FAM151B: variants seen among roughly 807,000 people sequenced by gnomAD.
The protein encoded by FAM151B is protein FAM151B.
FAM151B carries 24 observed loss-of-function variants against 31.2 expected under a neutral mutation model. The ratio of observed to expected loss-of-function variants is 0.77; its 90% CI spans 0.56 to 1.08. The LOEUF (loss-of-function observed/expected upper bound fraction) is 1.08. FAM151B is among the 50% of genes least tolerant of loss of function. The probability of loss-of-function intolerance (pLI) is 0.00; values close to 1 mark genes in which losing one functional copy is unlikely to be tolerated. For missense variants in FAM151B, 293 were observed against 328.6 expected, an observed-to-expected ratio of 0.89 and a Z score of 0.84; for synonymous variants, 105 against 111.4, an observed-to-expected ratio of 0.94 and a Z score of 0.36.
rs1039172860 is a variant in FAM151B, at chr5:80,501,717, C to T, written c.26-75C>T. On this transcript the variant is annotated intron_variant, in intron 1 of 5. Coordinates refer to ENST00000282226, the MANE Select transcript of FAM151B (RefSeq NM_205548.3). ...ACAGCATATGTGTATCTTAAATATACACAATGAAAGTGATTTTAAAAATTT... is the reference window on the plus strand; with the variant it reads ...ACAGCATATGTGTATCTTAAATATATACAATGAAAGTGATTTTAAAAATTT... 1.7e-5 allele frequency: 18 copies of T among 1,030,872 alleles called. No individual in the cohort carries two copies. In the African/African-American group the frequency reaches 2.7e-4, roughly 16 times the overall value. The allele number at this position is 1,030,872 out of a possible 1,614,324, so 63.9% of individuals were successfully genotyped here.
intron 5 of FAM151B, among the ~76,000 whole-genome samples, chr5:80,538,482 CT>C (rs1745683349): frequency 5.5e-5 from 7 of 126,388 alleles, no homozygotes; most frequent in African/African-American, 9.7e-5. Context: ...TTCTTTCTTT[CT>C]TTCCTTCCTT....
chr5:80,525,420 C>T (rs535710394), intron 5 of FAM151B, among the ~76,000 whole-genome samples: 1 of 152,174 alleles, frequency 6.6e-6, no homozygotes, highest in Non-Finnish European at 1.5e-5. Context: ...TGCAGTAACA[C>T]CCTTGAACCA....
At chr5:80,515,244 A>AAAAT (rs1210867302) in intron 3 of FAM151B, among the ~76,000 whole-genome samples, 55 of 142,044 alleles carry the variant, frequency 3.9e-4, no homozygotes, top group African/African-American at 1.3e-3. Context: ...CTGTCTCAAA[A>AAAAT]AAATAAATAA....
At chr5:80,493,780 A>T (rs1470689364) in intron 1 of FAM151B, among the ~76,000 whole-genome samples, 1 of 152,212 alleles carries the variant, frequency 6.6e-6, no homozygotes, top group Non-Finnish European at 1.5e-5. Flanking sequence ...TAAGATGTTT[A>T]TCAAGACAAT....
At chr5:80,532,254 G>A (rs947207043) in intron 5 of FAM151B, among the ~76,000 whole-genome samples, 1 of 150,880 alleles carries the variant, frequency 6.6e-6, no homozygotes, top group Non-Finnish European at 1.5e-5. Context: ...AGCATGAGGA[G>A]ATATACCTAA....
chr5:80,496,874 G>T (rs887058045), intron 1 of FAM151B, among the ~76,000 whole-genome samples: 1 of 126,710 alleles, frequency 7.9e-6, no homozygotes, highest in Non-Finnish European at 1.6e-5. Context: ...GCAGTGGTGT[G>T]ATCTTGGCTC....
intron 5 of FAM151B, among the ~76,000 whole-genome samples, chr5:80,533,210 T>C (rs1745328229): frequency 6.6e-6 from 1 of 151,438 alleles, no homozygotes; most frequent in African/African-American, 2.4e-5. Flanking sequence ...ACCCCGTCTC[T>C]ACTAAAAATA....
At chr5:80,515,194 T>G (rs249013) in intron 3 of FAM151B, among the ~76,000 whole-genome samples, 1 of 151,714 alleles carries the variant, frequency 6.6e-6, no homozygotes, top group Admixed American at 6.6e-5. Flanking sequence ...GAGTTGAGAT[T>G]GCGCCACGGC....
chr5:80,526,197 A>G (rs533559594), intron 5 of FAM151B, among the ~76,000 whole-genome samples: 1 of 148,338 alleles, frequency 6.7e-6, no homozygotes, highest in African/African-American at 2.6e-5. Flanking sequence ...CATTTGGTTG[A>G]AAAAAATCAG....
At chr5:80,532,413 C>G (rs1462226300) in intron 5 of FAM151B, among the ~76,000 whole-genome samples, 1 of 152,014 alleles carries the variant, frequency 6.6e-6, no homozygotes, top group African/African-American at 2.4e-5. Context: ...CTAAGAAGAT[C>G]ACTATATAAT....
intron 1 of FAM151B, among the ~76,000 whole-genome samples, chr5:80,492,815 G>A (rs957064918): frequency 2.0e-5 from 3 of 152,028 alleles, no homozygotes; most frequent in African/African-American, 7.2e-5. Context: ...TTAGCTGGCT[G>A]TGGTGGGATG....
At chr5:80,520,465 C>T (rs926534168) in intron 4 of FAM151B, among the ~76,000 whole-genome samples, 1 of 151,504 alleles carries the variant, frequency 6.6e-6, no homozygotes, top group Admixed American at 6.6e-5. Context: ...GCCAGCATGA[C>T]GAAACCCCGT....
intron 2 of FAM151B, among the ~76,000 whole-genome samples, chr5:80,513,356 T>C (rs1406263169): frequency 6.6e-6 from 1 of 152,232 alleles, no homozygotes; most frequent in Non-Finnish European, 1.5e-5. Flanking sequence ...AGAATTTGTA[T>C]GTCAACAGCT....
At chr5:80,512,105 C>T (rs1434863715) in intron 2 of FAM151B, among the ~76,000 whole-genome samples, 5 of 152,002 alleles carry the variant, frequency 3.3e-5, no homozygotes, top group Non-Finnish European at 5.9e-5. Flanking sequence ...GTAACCATTG[C>T]GCTTATTGAT....
chr5:80,505,005 T>C (rs1177774860), intron 2 of FAM151B, among the ~76,000 whole-genome samples: 1 of 152,196 alleles, frequency 6.6e-6, no homozygotes, highest in Non-Finnish European at 1.5e-5. Flanking sequence ...GCCCTCCCCC[T>C]GGCGAGATAA....
At chr5:80,498,470 G>T (rs1045940276) in intron 1 of FAM151B, 1 of 593,742 alleles carries the variant, frequency 1.7e-6, no homozygotes. Context: ...AAGGTTTTTG[G>T]TTTTTTGGGG....
intron 3 of FAM151B, among the ~76,000 whole-genome samples, chr5:80,514,544 G>A (rs1021204884): frequency 2.9e-4 from 44 of 150,820 alleles, no homozygotes; most frequent in African/African-American, 9.5e-4. Flanking sequence ...TAATACTGAA[G>A]AGCAAGAGTA....
rs1361639447 is a variant in FAM151B, at chr5:80,538,528, C to T, written c.672-3145C>T. Among the ~76,000 whole-genome samples the T allele has an allele frequency of 1.3e-3, 124 of 93,718 alleles. 3 individuals carry two copies. The highest frequency in any genetic ancestry group is 8.4e-3 in the African/African-American group (111 of 13,288). The allele number at this position is 93,718 out of a possible 152,430, so 61.5% of individuals were successfully genotyped here. A position where few individuals can be genotyped will look rare whatever the true frequency, so the allele number is the denominator to read the frequency against. On this transcript the variant is annotated intron_variant, in intron 5 of 5. Transcript: ENST00000282226. ...CTTTTCTTTCTTTCCTTCCTTCCTTCCTTCCTTCCTTCCTTCCTTCCTTCC... is the reference window on the plus strand; with the variant it reads ...CTTTTCTTTCTTTCCTTCCTTCCTTTCTTCCTTCCTTCCTTCCTTCCTTCC...
chr5:80,497,151 CACGGTGGCTCACGCCT>C (rs1360859409), intron 1 of FAM151B, among the ~76,000 whole-genome samples: 1 of 151,848 alleles, frequency 6.6e-6, no homozygotes, highest in Non-Finnish European at 1.5e-5. Context: ...AAAGGCCAGG[CACGGTGGCTCACGCCT>C]ATAATCTCAG....
Sources: allele counts gnomAD v4.1 joint callset (sites outside exome capture counted in the v4.1 genomes callset), GRCh38; gene constraint gnomAD v4.1.1; transcripts MANE v1.5; gene names NCBI Gene and HGNC (gene_info 2026-07-23, HGNC 2026-07-21).